PPP1R12A: variants seen among roughly 807,000 people sequenced by gnomAD.
PPP1R12A encodes the protein myosin binding subunit.
A neutral mutation model predicts 139.6 loss-of-function variants in PPP1R12A; 19 were observed. The ratio of observed to expected loss-of-function variants is 0.14; its 90% CI spans 0.09 to 0.20. PPP1R12A has a LOEUF of 0.20. PPP1R12A is among the 10% of genes least tolerant of loss of function. The pLI is 1.00. For missense variants in PPP1R12A, 925 were observed against 1,211.5 expected (o/e 0.76, Z 3.51); for synonymous variants, 427 against 420.6 (o/e 1.02, Z -0.19).
chr12:79,777,415 G>C, intron 24 of PPP1R12A: 4 of 984,694 alleles, frequency 4.1e-6, no homozygotes, highest in Non-Finnish European at 4.8e-6. Flanking sequence ...ATATGCTCCA[G>C]ACACAATGGC....
At chr12:79,776,826 A>G (rs531303561) in intron 24 of PPP1R12A, among the ~76,000 whole-genome samples, 4 of 152,268 alleles carry the variant, frequency 2.6e-5, no homozygotes, top group Non-Finnish European at 5.9e-5. Flanking sequence ...AGGAAATGAA[A>G]TAGCTCATAT....
intron 1 of PPP1R12A, among the ~76,000 whole-genome samples, chr12:79,907,975 G>A (rs1886263915): frequency 6.6e-6 from 1 of 152,096 alleles, no homozygotes; most frequent in Admixed American, 6.5e-5. Context: ...TATAATAGTG[G>A]TTCACAGTAC....
rs201977462 is a variant in PPP1R12A at position 79,801,345 on chromosome 12, CAAAAAAAAAAAAAAAAAAAAAAAAAA to C, written c.2001-2787_2001-2762del. ...GGGCAACTAGAGCAAAACTCTGTCT[CAAAAAAAAAAAAAAAAAAAAAAAAAA>C]AAAAAAAAAAAAAAGCCTCTTTCTT... is the stretch of plus-strand genomic sequence containing the variant. On this transcript the variant is annotated intron_variant, in intron 14 of 24. Transcript: ENST00000450142. Among the ~76,000 whole-genome samples the C allele has an allele frequency of 5.9e-4, 12 of 20,188 alleles. 1 individual carries two copies. The highest frequency in any genetic ancestry group is 1.6e-3 in the Non-Finnish European group (10 of 6,136). 13.2% of individuals were successfully genotyped at this position (20,188 alleles called of 152,430 possible). A position where few individuals can be genotyped will look rare whatever the true frequency, so the allele number is the denominator to read the frequency against.
chr12:79,922,183 G>A (rs978894624), intron 1 of PPP1R12A, among the ~76,000 whole-genome samples: 11 of 152,092 alleles, frequency 7.2e-5, no homozygotes, highest in African/African-American at 2.7e-4. Context: ...AATCACTAAG[G>A]CCAGGCAGTC....
intron 5 of PPP1R12A, among the ~76,000 whole-genome samples, chr12:79,827,522 C>G (rs1166967574): frequency 6.6e-6 from 1 of 152,032 alleles, no homozygotes; most frequent in Non-Finnish European, 1.5e-5. Context: ...GTTTTGAGTT[C>G]TCCATGATAC....
At chr12:79,881,006 A>G (rs1308375564) in intron 1 of PPP1R12A, among the ~76,000 whole-genome samples, 1 of 152,148 alleles carries the variant, frequency 6.6e-6, no homozygotes, top group Admixed American at 6.6e-5. Flanking sequence ...CATGAACCAT[A>G]TTCATAGAAG....
At chr12:79,898,456 A>T (rs1485021937) in intron 1 of PPP1R12A, among the ~76,000 whole-genome samples, 1 of 152,180 alleles carries the variant, frequency 6.6e-6, no homozygotes, top group Non-Finnish European at 1.5e-5. Flanking sequence ...CTCTGTCTCA[A>T]AAAACAAATA....
intron 2 of PPP1R12A, among the ~76,000 whole-genome samples, chr12:79,869,577 T>A (rs868822008): frequency 5.9e-5 from 9 of 152,124 alleles, no homozygotes; most frequent in African/African-American, 2.2e-4. Flanking sequence ...GCTCAAGTAA[T>A]GCAACAGCAG....
rs548667980 is a variant in PPP1R12A, at chr12:79,839,622, C to T, written c.487+5680G>A. The stretch of plus-strand genomic sequence containing the variant: ...TGTTCTTGTGATAGTGAGTGAGTTC[C>T]CACGAGATCTGACGGTTTTAAAAGG... On this transcript the variant is annotated intron_variant, in intron 3 of 24. Coordinates refer to ENST00000450142, the MANE Select transcript of PPP1R12A (RefSeq NM_002480.3). 3.3e-5 allele frequency among the ~76,000 whole-genome samples: 5 copies of T among 152,186 alleles called. No individual in the cohort carries two copies. The South Asian group carries it at 8.3e-4, about 25-fold the overall frequency.
intron 22 of PPP1R12A, among the ~76,000 whole-genome samples, chr12:79,783,295 C>A (rs1476719498): frequency 1.9e-3 from 222 of 117,012 alleles, no homozygotes; most frequent in Middle Eastern, 4.5e-3. Context: ...CCGTCTCTAC[C>A]AAAAAAAAAA....
chr12:79,798,766 C>T (rs1565745088), intron 14 of PPP1R12A, among the ~76,000 whole-genome samples, 182 bp from the exon 15 acceptor site: 1 of 152,008 alleles, frequency 6.6e-6, no homozygotes, highest in Non-Finnish European at 1.5e-5. Flanking sequence ...TAGATTGGAA[C>T]TAGTTATATT....
chr12:79,858,074 A>G (rs112777498), intron 2 of PPP1R12A, among the ~76,000 whole-genome samples: 1 of 152,222 alleles, frequency 6.6e-6, no homozygotes, highest in African/African-American at 2.4e-5. Context: ...AAAATACATG[A>G]TATGCTTTGT....
At chr12:79,821,627 C>T (rs1395149320) in intron 6 of PPP1R12A, among the ~76,000 whole-genome samples, 1 of 151,838 alleles carries the variant, frequency 6.6e-6, no homozygotes, top group African/African-American at 2.4e-5. Flanking sequence ...GTGGCGTGTA[C>T]CTGTAGTCCG....
At chr12:79,811,160 A>G (rs1331119535) in intron 9 of PPP1R12A, among the ~76,000 whole-genome samples, 2 of 152,134 alleles carry the variant, frequency 1.3e-5, no homozygotes, top group Non-Finnish European at 2.9e-5. Context: ...TTTAAAAATC[A>G]TTTCTTTCAT....
chr12:79,884,079 G>T (rs1311974632), intron 1 of PPP1R12A, among the ~76,000 whole-genome samples: 1 of 152,114 alleles, frequency 6.6e-6, no homozygotes, highest in Non-Finnish European at 1.5e-5. Flanking sequence ...ATATAAAGAC[G>T]CAAAGCCAAA....
chr12:79,891,662 C>T (rs1056138382), intron 1 of PPP1R12A, among the ~76,000 whole-genome samples: 2 of 152,144 alleles, frequency 1.3e-5, no homozygotes, highest in African/African-American at 4.8e-5. Context: ...TTCTTACAAA[C>T]TTAATGAGAC....
intron 24 of PPP1R12A, chr12:79,777,269 A>C: frequency 1.0e-6 from 1 of 969,948 alleles, no homozygotes; most frequent in African/African-American, 1.8e-5. Context: ...AATGTGCAAA[A>C]GCTTTACAAA....
At chr12:79,841,291 T>C (rs968645306) in intron 3 of PPP1R12A, among the ~76,000 whole-genome samples, 1 of 152,188 alleles carries the variant, frequency 6.6e-6, no homozygotes, top group Non-Finnish European at 1.5e-5. Context: ...TTCCTTTCTT[T>C]GCCAAGCCAA....
At chr12:79,819,949 A>G (rs1875886350) in intron 8 of PPP1R12A, among the ~76,000 whole-genome samples, 1 of 152,044 alleles carries the variant, frequency 6.6e-6, no homozygotes, top group Non-Finnish European at 1.5e-5. Context: ...AAAAATGCAG[A>G]TCAAGTTATA....
Sources: gnomAD v4.1 joint callset for allele counts (sites outside exome capture counted in the v4.1 genomes callset) on GRCh38, gnomAD v4.1.1 for gene constraint, MANE v1.5 for transcripts, NCBI Gene and HGNC (gene_info 2026-07-23, HGNC 2026-07-21) for gene names.